The following AP2B1 variants were observed in gnomAD, a reference collection of about 807,000 sequenced individuals.
AP2B1 encodes the protein AP-2 complex subunit beta.
Under a neutral mutation model 102.0 loss-of-function variants are expected in AP2B1, and 23 were observed. The ratio of observed to expected loss-of-function variants is 0.23; its 90% CI spans 0.16 to 0.32. The LOEUF is 0.32. Ranked by LOEUF, AP2B1 falls within the 10% of genes least tolerant of loss-of-function variation. The pLI is 1.00. For missense variants in AP2B1, 541 were observed against 1,157.4 expected (o/e 0.47, Z 7.73); for synonymous variants, 381 against 421.2 (o/e 0.90, Z 1.17).
chr17:35,663,510 T>C (rs2075400387), intron 14 of AP2B1, among the ~76,000 whole-genome samples: 1 of 152,208 alleles, frequency 6.6e-6, no homozygotes, highest in Non-Finnish European at 1.5e-5. Context: ...TTTTCCAGTT[T>C]GTTTGTTATT....
intron 5 of AP2B1, among the ~76,000 whole-genome samples, chr17:35,620,319 CA>C (rs879860339): frequency 4.1e-4 from 59 of 143,414 alleles, no homozygotes; most frequent in East Asian, 8.1e-4. Flanking sequence ...CTGTCTCTAC[CA>C]AAAAAAAAAA....
intron 18 of AP2B1, among the ~76,000 whole-genome samples, chr17:35,708,716 A>G (rs2076392746): frequency 6.6e-6 from 1 of 152,200 alleles, no homozygotes; most frequent in Non-Finnish European, 1.5e-5. Context: ...GTGGGGAGAA[A>G]TAAAAATCAA....
At chr17:35,604,700 G>A (rs1205885397) in intron 3 of AP2B1, among the ~76,000 whole-genome samples, 1 of 152,144 alleles carries the variant, frequency 6.6e-6, no homozygotes, top group African/African-American at 2.4e-5. Context: ...AGTGGTTGCA[G>A]GAAGCAAAGA....
At chr17:35,665,296 T>C (rs2142922232) in intron 14 of AP2B1, among the ~76,000 whole-genome samples, 1 of 152,034 alleles carries the variant, frequency 6.6e-6, no homozygotes, top group African/African-American at 2.4e-5. Flanking sequence ...CCCAGCTAAA[T>C]TTTGTATTTT....
chr17:35,654,685 C>G (rs7214250), intron 13 of AP2B1, among the ~76,000 whole-genome samples: 131,621 of 152,176 alleles, frequency 0.86, 57,256 homozygotes, highest in East Asian at 0.97. Context: ...AACCTACTTT[C>G]ATATTTTCTC....
intron 18 of AP2B1, among the ~76,000 whole-genome samples, chr17:35,684,657 C>T (rs1192619357): frequency 3.9e-5 from 6 of 152,184 alleles, no homozygotes; most frequent in Non-Finnish European, 7.3e-5. Flanking sequence ...TTGGCTGTTA[C>T]TATGATGACA....
At chr17:35,708,350 G>T (rs959223951) in intron 18 of AP2B1, among the ~76,000 whole-genome samples, 3 of 152,042 alleles carry the variant, frequency 2.0e-5, no homozygotes, top group African/African-American at 7.2e-5. Context: ...CAGTATAAGG[G>T]CCTTATGATG....
intron 9 of AP2B1, among the ~76,000 whole-genome samples, chr17:35,634,576 T>G (rs1023934690): frequency 2.0e-5 from 3 of 152,226 alleles, no homozygotes; most frequent in Admixed American, 1.3e-4. Flanking sequence ...TTCTCTTCAT[T>G]AATAAAAGAT....
chr17:35,683,587 G>A lies in AP2B1; in HGVS notation c.2454+763G>A, dbSNP rs113548645. On this transcript the variant is annotated intron_variant, in intron 18 of 21. Transcript: ENST00000610402. ...AGAGCCTCTTTATCTTGAAAATGTCGAATTTTTTAGAATGCTTGGGTGTCA... is the reference window on the plus strand; with the variant it reads ...AGAGCCTCTTTATCTTGAAAATGTCAAATTTTTTAGAATGCTTGGGTGTCA... Among the ~76,000 whole-genome samples, 5 of 152,106 alleles carry A rather than the reference G, an allele frequency of 3.3e-5. No individual in the cohort carries two copies. In the South Asian group the frequency reaches 1.0e-3, roughly 32 times the overall value.
At chr17:35,682,667 T>C (rs1486662952) in intron 17 of AP2B1, 28 bp from the exon 18 acceptor site, 1 of 1,596,948 alleles carries the variant, frequency 6.3e-7, no homozygotes, top group East Asian at 2.3e-5. Context: ...TTGATTAACC[T>C]CTGTGATTTA....
intron 14 of AP2B1, among the ~76,000 whole-genome samples, chr17:35,667,844 C>T (rs1178762934): frequency 6.6e-6 from 1 of 151,904 alleles, no homozygotes; most frequent in Non-Finnish European, 1.5e-5. Flanking sequence ...GGGGTAAGCC[C>T]ATCAGAAAGT....
Position 35,639,778 on chromosome 17 carries a change from G to C in AP2B1, c.1437+18G>C. 6.2e-7 allele frequency: 1 copy of C among 1,609,318 alleles called. No individual in the cohort carries two copies. The highest frequency in any genetic ancestry group is 8.5e-7 in the Non-Finnish European group (1 of 1,177,620). On this transcript the variant is annotated intron_variant, in intron 11 of 21. Transcript: ENST00000610402. ...GCACCCAGGTAAGTTCTTGTCTCTT[G>C]TCTATCCTAGTAGTTTTAGATGTCT...
intron 11 of AP2B1, among the ~76,000 whole-genome samples, chr17:35,640,663 G>A (rs2074753159): frequency 6.6e-6 from 1 of 152,220 alleles, no homozygotes; most frequent in Non-Finnish European, 1.5e-5. Context: ...CACCCTGAGA[G>A]TATCTGACTC....
chr17:35,703,834 A>AAGTTAAATTTTTAAAAAAAG (rs71152745), intron 18 of AP2B1, among the ~76,000 whole-genome samples: 2 of 152,004 alleles, frequency 1.3e-5, no homozygotes, highest in African/African-American at 2.4e-5. Context: ...CTTGAAATAA[A>AAGTTAAATTTTTAAAAAAAG]AGTTCAGTTT....
At chr17:35,592,050 A>T (rs2073117091) in intron 1 of AP2B1, among the ~76,000 whole-genome samples, 1 of 152,206 alleles carries the variant, frequency 6.6e-6, no homozygotes, top group African/African-American at 2.4e-5. Flanking sequence ...ATTTCCATTA[A>T]ACTGTACAAG....
rs767911415 is a variant in AP2B1, at chr17:35,650,721, G to A, written c.1728G>A (p.Lys576=). Residue 576 remains lysine (K), a synonymous_variant, in exon 13 of 22, where the codon AAG becomes AAA. Coordinates refer to ENST00000610402, the MANE Select transcript of AP2B1 (RefSeq NM_001030006.2). ...HIGSLASVYH[K]PPNAFVEGSH... ...GTTCTTTGGCCTCTGTGTATCATAA[G>A]CCTCCCAATGCTTTTGTGGAAGGAA... The A allele has an allele frequency of 6.2e-7, 1 of 1,614,182 alleles. No homozygotes were observed. The highest frequency in any genetic ancestry group is 1.7e-5 in the Admixed American group (1 of 60,024).
intron 18 of AP2B1, among the ~76,000 whole-genome samples, chr17:35,689,041 A>AGCCCCTGT: frequency 6.6e-6 from 1 of 152,248 alleles, no homozygotes; most frequent in East Asian, 1.9e-4. Context: ...TAGTATAACG[A>AGCCCCTGT]GCCCCTGTGT....
At chr17:35,680,374 T>TC (rs896068459) in intron 17 of AP2B1, among the ~76,000 whole-genome samples, 1 of 152,200 alleles carries the variant, frequency 6.6e-6, no homozygotes, top group Non-Finnish European at 1.5e-5. Context: ...TTCTTTTTTT[T>TC]CCACCCGAAA....
intron 13 of AP2B1, among the ~76,000 whole-genome samples, chr17:35,655,009 A>C (rs962733244): frequency 6.6e-6 from 1 of 152,138 alleles, no homozygotes; most frequent in African/African-American, 2.4e-5. Context: ...TACTGTTTGT[A>C]ATCTTTCCTT....
Sources: allele counts gnomAD v4.1 joint callset (sites outside exome capture counted in the v4.1 genomes callset), GRCh38; gene constraint gnomAD v4.1.1; transcripts MANE v1.5; gene names NCBI Gene and HGNC (gene_info 2026-07-23, HGNC 2026-07-21).